Variants in KDM1B observed in about 807,000 individuals in gnomAD.
KDM1B encodes the protein lysine-specific histone demethylase 2.
In KDM1B, 63 loss-of-function variants were observed where a neutral mutation model predicts 107.4. The observed-to-expected ratio is 0.59, with a 90% CI of 0.48 to 0.72. The LOEUF (loss-of-function observed/expected upper bound fraction) is 0.72, where lower values mean the gene tolerates loss of function less well. Among genes scored for constraint, KDM1B ranks in the 30% least tolerant of loss-of-function variants. The probability of loss-of-function intolerance (pLI) is 0.00; values close to 1 mark genes in which losing one functional copy is unlikely to be tolerated. For synonymous variants in KDM1B, 363 were observed against 363.9 expected, an observed-to-expected ratio of 1.00 and a Z score of 0.03; for missense variants, 749 against 1,020.8, an observed-to-expected ratio of 0.73 and a Z score of 3.63.
At position 18,201,853 on chromosome 6, in the gene KDM1B, T is replaced by C. The variant is rs1788054602; in HGVS notation, c.1531+196T>C. ...TTGTAGGGAGGCTTAGATGCTTGTG[T>C]TGTGTACACACACACACACAGACCT... On this transcript the variant is annotated intron_variant, in intron 14 of 21. Transcript: ENST00000650836. This position sits in a 1 kb window ranked among gnomAD's most constrained non-coding sequence, Gnocchi z 4.3. Among the ~76,000 whole-genome samples the C allele has an allele frequency of 6.6e-6, 1 of 152,174 alleles. No homozygotes were observed. Among genetic ancestry groups the C allele is most frequent in the African/African-American group, 2.4e-5 (1 of 41,428 alleles).
In KDM1B at chr6:18,191,043, G is replaced by A. The variant is rs1238479376; in HGVS notation, c.785-154G>A. On this transcript the variant is annotated intron_variant, in intron 9 of 21. Coordinates refer to ENST00000650836, the MANE Select transcript of KDM1B (RefSeq NM_001364614.2). This position sits in a 1 kb window ranked among gnomAD's most constrained non-coding sequence, Gnocchi z 5.1. Reference sequence around the variant, plus strand: ...TGAGAAAAATACTTAATTTATGTACGTTTTGTCTAACTGGGTGGAGGAAGC... The same window carrying A: ...TGAGAAAAATACTTAATTTATGTACATTTTGTCTAACTGGGTGGAGGAAGC... 2.6e-5 allele frequency among the ~76,000 whole-genome samples: 4 copies of A among 152,158 alleles called. No individual in the cohort carries two copies. The highest frequency in any genetic ancestry group is 4.8e-5 in the African/African-American group (2 of 41,446).
rs1442422633 is a variant in KDM1B, at chr6:18,200,346, G to T, written c.1222-93G>T. ...TATTTGGAATTAACCAAATATAGAG[G>T]CTATTTAACAGTGTCCTTCTACATT... On this transcript the variant is annotated intron_variant, in intron 12 of 21. Transcript: ENST00000650836. This position sits in a 1 kb window ranked among gnomAD's most constrained non-coding sequence, Gnocchi z 4.3. 3 of 1,201,502 alleles carry T rather than the reference G, an allele frequency of 2.5e-6. No homozygotes were observed. The highest frequency in any genetic ancestry group is 1.7e-5 in the South Asian group (1 of 59,772). 74.4% of individuals were successfully genotyped at this position (1,201,502 alleles called of 1,614,324 possible). A position where few individuals can be genotyped will look rare whatever the true frequency, so the allele number is the denominator to read the frequency against.
At chr6:18,193,181 A>C (rs1221165766) in intron 10 of KDM1B, among the ~76,000 whole-genome samples, 5 of 145,628 alleles carry the variant, frequency 3.4e-5, no homozygotes, top group African/African-American at 1.3e-4. Flanking sequence ...GGCAACAAGA[A>C]CGAAACTCTG....
intron 20 of KDM1B, 81 bp from the exon 21 acceptor site, chr6:18,217,652 G>C (rs1428335373): frequency 8.4e-7 from 1 of 1,185,328 alleles, no homozygotes; most frequent in Non-Finnish European, 1.2e-6. Flanking sequence ...GCTGGGATGG[G>C]ACTACAGGCA....
rs534841790 is a variant in KDM1B at position 18,213,868 on chromosome 6, A to C, written c.2109+87A>C. On this transcript the variant is annotated intron_variant, in intron 19 of 21. Transcript: ENST00000650836. This position sits in a 1 kb window ranked among gnomAD's most constrained non-coding sequence, Gnocchi z 5.9. ...AATTACTCACCTATCAAGCTCAGGA[A>C]CTAACGAACATCATGGAGACCCTGG... 5.6e-6 allele frequency: 8 copies of C among 1,417,536 alleles called. No homozygotes were observed. Among genetic ancestry groups the C allele is most frequent in the Admixed American group, 3.5e-5 (2 of 57,610 alleles). The allele number at this position is 1,417,536 out of a possible 1,614,324, so 87.8% of individuals were successfully genotyped here.
intron 21 of KDM1B, among the ~76,000 whole-genome samples, chr6:18,220,044 C>G (rs1205916729): frequency 1.3e-5 from 2 of 152,204 alleles, no homozygotes; most frequent in African/African-American, 4.8e-5. Context: ...TTGCTAACCT[C>G]TGCCTCCATG....
chr6:18,173,721 G>A (rs1349158169), intron 7 of KDM1B, among the ~76,000 whole-genome samples: 1 of 151,964 alleles, frequency 6.6e-6, no homozygotes, highest in Admixed American at 6.6e-5. Context: ...ATATTTAGTT[G>A]TTCATTACCG....
In KDM1B at chr6:18,197,148, A is replaced by G. The variant is rs757975803; in HGVS notation, c.1061A>G (p.Tyr354Cys). 4 of 1,613,998 alleles carry G rather than the reference A, an allele frequency of 2.5e-6. No homozygotes were observed. Among genetic ancestry groups the G allele is most frequent in the Non-Finnish European group, 3.4e-6 (4 of 1,180,008 alleles). ...RCVQEVERIL[Y>C]FMTRKGLINT... Reference sequence around the variant, plus strand: ...GTTCAGGAAGTGGAGAGAATACTGTATTTTATGACCAGAAAAGGTCTCATC... The same window carrying G: ...GTTCAGGAAGTGGAGAGAATACTGTGTTTTATGACCAGAAAAGGTCTCATC... Residue 354 changes from tyrosine (Y) to cysteine (C), a missense_variant, in exon 11 of 22, where the codon TAT becomes TGT. By Grantham distance (194) the Tyr-to-Cys change is radical (BLOSUM62 -2). Coordinates refer to ENST00000650836, the MANE Select transcript of KDM1B (RefSeq NM_001364614.2). The surrounding 1 kb of genome is among the most constrained non-coding windows in gnomAD (Gnocchi z 4.5).
intron 16 of KDM1B, 71 bp downstream of exon 16, chr6:18,207,600 T>C: frequency 6.3e-7 from 1 of 1,586,906 alleles, no homozygotes; most frequent in Middle Eastern, 1.7e-4. Flanking sequence ...GGCATGCGGC[T>C]CACGCAGGAG....
chr6:18,207,521 A>C lies in KDM1B; in HGVS notation c.1783A>C (p.Lys595Gln), dbSNP rs1561948162. 1 of 1,614,178 alleles carries C rather than the reference A, an allele frequency of 6.2e-7. No individual in the cohort carries two copies. The highest frequency in any genetic ancestry group is 8.5e-7 in the Non-Finnish European group (1 of 1,180,020). The change falls in exon 16 of 22, where the codon AAA (lysine) becomes CAA (glutamine). Residue 595 changes from lysine to glutamine, a missense_variant. Lys to Gln is a moderately conservative substitution (Grantham distance 53). Coordinates refer to ENST00000650836, the MANE Select transcript of KDM1B (RefSeq NM_001364614.2). ...GGCAGAAGGGCTTGACATTCAACTC[A>C]AATCTCCAGTGAGTATCAACTGCTG... ...KLAEGLDIQL[K>Q]SPVQCIDYSG...
At chr6:18,187,361 C>A (rs1786937994) in intron 8 of KDM1B, among the ~76,000 whole-genome samples, 1 of 152,070 alleles carries the variant, frequency 6.6e-6, no homozygotes, top group Non-Finnish European at 1.5e-5. Context: ...ATTTTTTATG[C>A]CCAGTTTCCC....
intron 15 of KDM1B, among the ~76,000 whole-genome samples, chr6:18,206,972 T>C (rs1315799862): frequency 6.6e-6 from 1 of 152,194 alleles, no homozygotes; most frequent in East Asian, 1.9e-4. Flanking sequence ...TTGGGACCTC[T>C]CCATTTCCAC....
chr6:18,165,321 G>A (rs1365817091), intron 5 of KDM1B, among the ~76,000 whole-genome samples: 5 of 151,188 alleles, frequency 3.3e-5, no homozygotes, highest in Non-Finnish European at 5.9e-5. Flanking sequence ...TAGTAGAGAC[G>A]GGGTTTCACT....
rs1039217550 is a variant in KDM1B at position 18,197,925 on chromosome 6, C to CTTTTTT, written c.1221+277_1221+282dup. On this transcript the variant is annotated intron_variant, in intron 12 of 21. Coordinates refer to ENST00000650836, the MANE Select transcript of KDM1B (RefSeq NM_001364614.2). The surrounding 1 kb of genome is among the most constrained non-coding windows in gnomAD (Gnocchi z 4.5). ...CTAACTTGGCATTAAAGTAGAAATTCTTTTTTTTTTTTTTTTTTGAGACAG... is the reference window on the plus strand; with the variant it reads ...CTAACTTGGCATTAAAGTAGAAATTCTTTTTTTTTTTTTTTTTTTTTTTTGAGACAG... Among the ~76,000 whole-genome samples, 2 of 130,038 alleles carry CTTTTTT rather than the reference C, an allele frequency of 1.5e-5. No individual in the cohort carries two copies. The highest frequency in any genetic ancestry group is 5.8e-5 in the African/African-American group (2 of 34,224). The allele number at this position is 130,038 out of a possible 152,430, so 85.3% of individuals were successfully genotyped here.
chr6:18,177,194 A>G (rs1027442347), intron 7 of KDM1B, among the ~76,000 whole-genome samples: 3 of 152,018 alleles, frequency 2.0e-5, no homozygotes, highest in Non-Finnish European at 2.9e-5. Flanking sequence ...TTAAGCTAGG[A>G]GGGTTGTATT....
At chr6:18,215,243 A>G in intron 20 of KDM1B, 114 bp downstream of exon 20, 2 of 1,237,648 alleles carry the variant, frequency 1.6e-6, no homozygotes, top group Non-Finnish European at 2.2e-6. Flanking sequence ...GGCAGAGGCC[A>G]CAGTCTTCTT....
At chr6:18,216,000 G>T (rs1186767920) in intron 20 of KDM1B, among the ~76,000 whole-genome samples, 1 of 152,172 alleles carries the variant, frequency 6.6e-6, no homozygotes, top group Non-Finnish European at 1.5e-5. Flanking sequence ...TAAAGGAGCA[G>T]AAATAGAAGT....
At chr6:18,218,213 C>G (rs1222341629) in intron 21 of KDM1B, among the ~76,000 whole-genome samples, 1 of 152,112 alleles carries the variant, frequency 6.6e-6, no homozygotes, top group African/African-American at 2.4e-5. Context: ...CTCAAACTCC[C>G]AGGCTCAGGT....
At chr6:18,184,195 A>G (rs571948024) in intron 7 of KDM1B, among the ~76,000 whole-genome samples, 54 of 149,464 alleles carry the variant, frequency 3.6e-4, no homozygotes, top group Non-Finnish European at 5.9e-5. Context: ...ACAATCATAT[A>G]GTTTTGTTTT....
Sources: gnomAD v4.1 joint callset for allele counts (sites outside exome capture counted in the v4.1 genomes callset) on GRCh38, gnomAD v4.1.1 for gene constraint, Gnocchi (gnomAD v3.1) non-coding constraint, MANE v1.5 for transcripts, NCBI Gene and HGNC (gene_info 2026-07-23, HGNC 2026-07-21) for gene names.